The following DENND4C variants were observed in gnomAD, a reference collection of about 807,000 sequenced individuals.
DENND4C encodes DENN domain containing 4C, also known as DENN domain-containing protein 4C.
A neutral mutation model predicts 203.0 loss-of-function variants in DENND4C; 108 were observed. That is an observed-to-expected ratio of 0.53 (90% CI 0.46 to 0.62). The LOEUF is 0.62. Among genes scored for constraint, DENND4C ranks in the 20% least tolerant of loss-of-function variants. DENND4C has a pLI of 0.00. For synonymous variants in DENND4C, 871 were observed against 792.4 expected (o/e 1.10, Z -1.67); for missense variants, 2,481 against 2,301.2 (o/e 1.08, Z -1.60).
At chr9:19,315,824 G>C (rs1260844982) in intron 10 of DENND4C, among the ~76,000 whole-genome samples, 1 of 151,740 alleles carries the variant, frequency 6.6e-6, no homozygotes, top group Admixed American at 6.6e-5. Context: ...TTCTGCCTCA[G>C]CCTCCTGAGT....
intron 16 of DENND4C, among the ~76,000 whole-genome samples, chr9:19,330,488 CACCA>C (rs1818858763): frequency 1.3e-5 from 2 of 151,844 alleles, no homozygotes; most frequent in African/African-American, 4.8e-5. Context: ...TACAGGCGCC[CACCA>C]ACACGCCCAA....
chr9:19,295,073 A>G (rs1837152419), intron 5 of DENND4C, among the ~76,000 whole-genome samples: 1 of 152,216 alleles, frequency 6.6e-6, no homozygotes, highest in African/African-American at 2.4e-5. Flanking sequence ...TTTCACCCCA[A>G]TTAAAAAAAA....
intron 12 of DENND4C, among the ~76,000 whole-genome samples, chr9:19,319,120 G>C (rs750958284): frequency 9.3e-5 from 14 of 149,884 alleles, no homozygotes; most frequent in Non-Finnish European, 1.9e-4. Flanking sequence ...GGTGAGCCAA[G>C]ATCACTGTAC....
At chr9:19,290,603 C>A in intron 4 of DENND4C, 101 bp from the exon 5 acceptor site, 1 of 764,154 alleles carries the variant, frequency 1.3e-6, no homozygotes, top group Non-Finnish European at 1.8e-6. Flanking sequence ...ACAAGTATTG[C>A]CATGAAATTC....
chr9:19,352,904 T>A (rs1407736340), intron 26 of DENND4C, among the ~76,000 whole-genome samples: 1 of 151,840 alleles, frequency 6.6e-6, no homozygotes, highest in Non-Finnish European at 1.5e-5. Flanking sequence ...GAGGCCCAGG[T>A]GGGAGGATTG....
At chr9:19,297,507 A>T (rs1248655933) in intron 6 of DENND4C, among the ~76,000 whole-genome samples, 3 of 152,206 alleles carry the variant, frequency 2.0e-5, no homozygotes, top group Admixed American at 1.3e-4. Context: ...AAAAATTAAG[A>T]TTCTATGAAT....
Position 19,372,116 on chromosome 9 carries a change from T to C in DENND4C, c.5820T>C (p.Ala1940=). 1.2e-6 allele frequency: 2 copies of C among 1,614,104 alleles called. No individual in the cohort carries two copies. Among genetic ancestry groups the C allele is most frequent in the Non-Finnish European group, 1.7e-6 (2 of 1,179,990 alleles). The change falls in exon 33 of 33, where the codon GCT becomes GCC. Residue 1940 remains alanine (A), a synonymous_variant. Coordinates refer to ENST00000434457, the MANE Select transcript of DENND4C (RefSeq NM_001330640.2). ...TTGAAAGGTTGCAGAAAATTGATGC[T>C]CCACCAAGTGCCAGTGTCGAGTGGT... ...EILERLQKID[A]PPSASVEWCR... is the part of the protein sequence containing the mutation.
intron 2 of DENND4C, 120 bp downstream of exon 2, chr9:19,276,599 GT>G: frequency 1.8e-6 from 1 of 564,292 alleles, no homozygotes; most frequent in Non-Finnish European, 2.6e-6. Flanking sequence ...ATTATTGATA[GT>G]TTTATGGTTA....
chr9:19,362,061 G>A, intron 30 of DENND4C, 98 bp downstream of exon 30: 1 of 645,900 alleles, frequency 1.5e-6, no homozygotes, highest in East Asian at 3.0e-5. Context: ...ACCACTTGAG[G>A]TCAGGAGTTG....
chr9:19,347,099 T>A lies in DENND4C; in HGVS notation c.4317+13T>A, dbSNP rs752591673. On this transcript the variant is annotated intron_variant, in intron 23 of 32. Coordinates refer to ENST00000434457, the MANE Select transcript of DENND4C (RefSeq NM_001330640.2). ...CTCAGATGATGAGGTAAGAAAGCTT[T>A]ATGTGTGTAGTCTGTCTGCTATTGG... The A allele has an allele frequency of 6.2e-7, 1 of 1,605,558 alleles. No homozygotes were observed. Among genetic ancestry groups the A allele is most frequent in the Non-Finnish European group, 8.5e-7 (1 of 1,173,686 alleles).
intron 10 of DENND4C, among the ~76,000 whole-genome samples, chr9:19,311,323 A>G (rs1376788036): frequency 4.6e-5 from 7 of 152,036 alleles, no homozygotes; most frequent in Admixed American, 3.9e-4. Flanking sequence ...ACAGGATTTC[A>G]CCATGTTGGC....
At chr9:19,239,205 A>C (rs1056026995) in intron 1 of DENND4C, among the ~76,000 whole-genome samples, 1 of 151,448 alleles carries the variant, frequency 6.6e-6, no homozygotes, top group African/African-American at 2.4e-5. Flanking sequence ...TAATTTTAGA[A>C]CTCTCTTATT....
At chr9:19,249,443 A>AC (rs1826033828) in intron 1 of DENND4C, among the ~76,000 whole-genome samples, 1 of 151,696 alleles carries the variant, frequency 6.6e-6, no homozygotes, top group Non-Finnish European at 1.5e-5. Flanking sequence ...TTTAGTAGAG[A>AC]CAGGGTTTCA....
At position 19,277,862 on chromosome 9, in the gene DENND4C, G is replaced by C. The variant is rs575687944; in HGVS notation, c.305+1383G>C. On this transcript the variant is annotated intron_variant, in intron 2 of 32. Coordinates refer to ENST00000434457, the MANE Select transcript of DENND4C (RefSeq NM_001330640.2). ...CCTAGTTTTCTGAGAGATTTTATCA[G>C]GAAAGTGTGTTAAATTTTGTCAGAT... 3.3e-5 allele frequency among the ~76,000 whole-genome samples: 5 copies of C among 152,166 alleles called. No homozygotes were observed. The East Asian group carries it at 7.7e-4, about 23-fold the overall frequency.
intron 30 of DENND4C, among the ~76,000 whole-genome samples, chr9:19,364,499 G>A (rs995053490): frequency 1.3e-5 from 2 of 152,118 alleles, no homozygotes; most frequent in African/African-American, 4.8e-5. Context: ...TTTTGAGACA[G>A]GGTCATGTCT....
chr9:19,250,568 CAGTCCAA>C lies in DENND4C; in HGVS notation c.-18+19740_-18+19746del, dbSNP rs569953611. On this transcript the variant is annotated intron_variant, in intron 1 of 32. Coordinates refer to ENST00000434457, the MANE Select transcript of DENND4C (RefSeq NM_001330640.2). ...ATTTTGACATTAACTCAAAAGTCCA[CAGTCCAA>C]AGTCTCATCTGAGACAAGGCAAGTT... is the stretch of plus-strand genomic sequence containing the variant. 8.9e-4 allele frequency among the ~76,000 whole-genome samples: 135 copies of C among 152,270 alleles called. 1 individual carries two copies. The highest frequency in any genetic ancestry group is 3.1e-3 in the African/African-American group (127 of 41,562).
intron 2 of DENND4C, among the ~76,000 whole-genome samples, chr9:19,279,416 T>C (rs1423123698): frequency 6.6e-6 from 1 of 151,952 alleles, no homozygotes; most frequent in Non-Finnish European, 1.5e-5. Context: ...GGTTCACGCC[T>C]GTAATCCCAG....
intron 1 of DENND4C, among the ~76,000 whole-genome samples, chr9:19,265,765 A>C (rs201423382): frequency 2.6e-5 from 4 of 152,158 alleles, no homozygotes; most frequent in African/African-American, 7.2e-5. Flanking sequence ...CATCCATGTC[A>C]CTACAAAGGA....
rs780019833 is a variant in DENND4C, at chr9:19,300,266, A to G, written c.1246A>G (p.Ser416Gly). The part of the protein sequence containing the change: ...ATLLLFVLLE[S>G]KILLHSLRPA... Reference sequence around the variant, plus strand: ...ACTGCTGCTCTTTGTTTTACTTGAGAGTAAAATTCTGCTGCATTCTCTTAG... The same window carrying G: ...ACTGCTGCTCTTTGTTTTACTTGAGGGTAAAATTCTGCTGCATTCTCTTAG... Residue 416 changes from serine to glycine, a missense_variant, in exon 9 of 33, where the codon AGT becomes GGT. By Grantham distance (56) the Ser-to-Gly change is moderately conservative. Coordinates refer to ENST00000434457, the MANE Select transcript of DENND4C (RefSeq NM_001330640.2). 2.5e-6 allele frequency: 4 copies of G among 1,612,288 alleles called. No individual in the cohort carries two copies. Among genetic ancestry groups the G allele is most frequent in the Admixed American group, 3.3e-5 (2 of 59,982 alleles).
Sources: allele counts gnomAD v4.1 joint callset (sites outside exome capture counted in the v4.1 genomes callset), GRCh38; gene constraint gnomAD v4.1.1; transcripts MANE v1.5; gene names NCBI Gene and HGNC (gene_info 2026-07-23, HGNC 2026-07-21).